The following LRP1B variants were observed in gnomAD, a reference collection of about 807,000 sequenced individuals.
LRP1B encodes low-density lipoprotein receptor-related protein 1B.
Under a neutral mutation model 556.6 loss-of-function variants are expected in LRP1B, and 217 were observed. The observed-to-expected ratio is 0.39, with a 90% confidence interval of 0.35 to 0.44. The LOEUF (loss-of-function observed/expected upper bound fraction) is 0.44, where lower values mean the gene tolerates loss of function less well. Ranked by LOEUF, LRP1B falls within the 20% of genes least tolerant of loss-of-function variation. The pLI is 1.00. For missense variants in LRP1B, 5,053 were observed against 5,620.8 expected (o/e 0.90, Z 3.23); for synonymous variants, 2,047 against 1,865.8 (o/e 1.10, Z -2.50).
chr2:140,739,362 C>CA (rs56217594), intron 35 of LRP1B, among the ~76,000 whole-genome samples: 1,789 of 146,912 alleles, frequency 0.012, 16 homozygotes, highest in Middle Eastern at 0.052. Context: ...TGCAAAGAGT[C>CA]AAAAAAAAAA....
rs114400796 is a variant in LRP1B at position 141,278,450 on chromosome 2, C to T, written c.344-23809G>A. ...CTATGCCACGTTAGAAACCTGTTCA[C>T]TTTGGCCTTTAATTTTAAAATTAAT... On this transcript the variant is annotated intron_variant, in intron 3 of 90. Coordinates refer to ENST00000389484, the MANE Select transcript of LRP1B (RefSeq NM_018557.3). Among the ~76,000 whole-genome samples the T allele has an allele frequency of 5.3e-3, 803 of 152,238 alleles. 9 individuals are homozygous for T. The highest frequency in any genetic ancestry group is 0.016 in the African/African-American group (680 of 41,530).
At chr2:141,746,388 G>C (rs113119387) in intron 2 of LRP1B, among the ~76,000 whole-genome samples, 3 of 152,134 alleles carry the variant, frequency 2.0e-5, no homozygotes, top group Non-Finnish European at 4.4e-5. Context: ...GATGGGTGCT[G>C]GCTGAGTTCA....
chr2:141,977,923 C>T (rs1194502994), intron 1 of LRP1B, among the ~76,000 whole-genome samples: 6 of 152,132 alleles, frequency 3.9e-5, no homozygotes, highest in African/African-American at 1.4e-4. Context: ...GCAACATCTA[C>T]AATAAACTAT....
chr2:140,702,388 GT>G, intron 38 of LRP1B, 38 bp downstream of exon 38: 1 of 1,611,062 alleles, frequency 6.2e-7, no homozygotes. Context: ...AAAGTTGTCA[GT>G]TAAGGCACTT....
intron 3 of LRP1B, among the ~76,000 whole-genome samples, chr2:141,467,063 C>G (rs1262342442): frequency 7.1e-6 from 1 of 140,066 alleles, no homozygotes; most frequent in East Asian, 2.1e-4. Flanking sequence ...CACTGGCTCC[C>G]CAGGATATAT....
At chr2:141,441,777 G>T (rs4309525) in intron 3 of LRP1B, among the ~76,000 whole-genome samples, 28,413 of 152,072 alleles carry the variant, frequency 0.19, 3,535 homozygotes, top group East Asian at 0.45. Flanking sequence ...CAGGAACATT[G>T]AACGCTACAG....
At chr2:140,496,892 AATTTATTTATTTATTTATTT>A (rs141106287) in intron 55 of LRP1B, among the ~76,000 whole-genome samples, 7 of 147,090 alleles carry the variant, frequency 4.8e-5, no homozygotes, top group South Asian at 2.1e-4. Flanking sequence ...ATTTGGATAA[AATTTATTTATTTATTTATTT>A]ATTTATTTAT....
chr2:140,421,950 G>T (rs926222277), intron 66 of LRP1B, among the ~76,000 whole-genome samples: 1 of 152,180 alleles, frequency 6.6e-6, no homozygotes, highest in Admixed American at 6.5e-5. Flanking sequence ...TCAGTGTGCA[G>T]GTTTGACAGA....
At chr2:140,466,083 G>T (rs1233851427) in intron 60 of LRP1B, among the ~76,000 whole-genome samples, 4 of 150,822 alleles carry the variant, frequency 2.7e-5, no homozygotes. Context: ...GTGCAGGTCG[G>T]GGGGTGGGAA....
intron 1 of LRP1B, among the ~76,000 whole-genome samples, chr2:141,885,432 C>G (rs1699081289): frequency 6.6e-6 from 1 of 152,112 alleles, no homozygotes; most frequent in Non-Finnish European, 1.5e-5. Context: ...GTGACATAAG[C>G]TCTTCGTTTT....
intron 1 of LRP1B, among the ~76,000 whole-genome samples, chr2:141,868,284 A>G (rs1698478851): frequency 6.6e-6 from 1 of 152,068 alleles, no homozygotes; most frequent in African/African-American, 2.4e-5. Flanking sequence ...GGTGAGAAGC[A>G]ACTGGATTGC....
intron 7 of LRP1B, among the ~76,000 whole-genome samples, chr2:141,067,696 C>G (rs6719409): frequency 2.0e-5 from 3 of 152,006 alleles, no homozygotes; most frequent in African/African-American, 7.2e-5. Context: ...TCTCTCTTCA[C>G]AGATAATTAG....
intron 17 of LRP1B, among the ~76,000 whole-genome samples, chr2:140,988,598 G>A (rs1467138388): frequency 6.6e-6 from 1 of 152,076 alleles, no homozygotes; most frequent in East Asian, 1.9e-4. Flanking sequence ...AGAGAGGTAT[G>A]TCTTTCCAAG....
chr2:140,233,307 G>A lies in LRP1B; in HGVS notation c.13679C>T (p.Pro4560Leu), dbSNP rs151022058. ...LTAGPTNYSN[P>L]VYAKLYMDGQ... is the part of the protein sequence containing the mutation. ...ATCCATATATAATTTTGCATATACCGGATTGGAGTAATTTGTTGGCTGAAG... is the reference window on the plus strand; with the variant it reads ...ATCCATATATAATTTTGCATATACCAGATTGGAGTAATTTGTTGGCTGAAG... The change falls in exon 91 of 91, where the codon CCG (proline) becomes CTG (leucine). Residue 4560 changes from proline to leucine, a missense_variant. Transcript: ENST00000389484. The A allele has an allele frequency of 2.4e-5, 38 of 1,590,600 alleles. No homozygotes were observed. Among genetic ancestry groups the A allele is most frequent in the Admixed American group, 1.9e-4 (11 of 57,856 alleles).
intron 32 of LRP1B, among the ~76,000 whole-genome samples, chr2:140,808,728 G>A (rs947457090): frequency 6.6e-6 from 1 of 152,144 alleles, no homozygotes; most frequent in Admixed American, 6.6e-5. Context: ...AGAATGAATG[G>A]CAATAGATAT....
chr2:141,209,637 C>T (rs1197260781), intron 6 of LRP1B, among the ~76,000 whole-genome samples: 3 of 152,106 alleles, frequency 2.0e-5, no homozygotes, highest in Non-Finnish European at 4.4e-5. Context: ...AACTCATTTG[C>T]CCATGAAATC....
At chr2:141,634,440 T>G (rs1395651192) in intron 2 of LRP1B, among the ~76,000 whole-genome samples, 1 of 151,990 alleles carries the variant, frequency 6.6e-6, no homozygotes, top group Admixed American at 6.6e-5. Flanking sequence ...CATTGTTTTG[T>G]AGATGAAAAA....
intron 77 of LRP1B, among the ~76,000 whole-genome samples, chr2:140,345,140 G>A (rs943746512): frequency 6.6e-6 from 1 of 151,544 alleles, no homozygotes; most frequent in African/African-American, 2.4e-5. Flanking sequence ...CAGCATTTCT[G>A]GCCCTACCCA....
chr2:142,049,797 T>C (rs933141713), intron 1 of LRP1B, among the ~76,000 whole-genome samples: 3 of 152,168 alleles, frequency 2.0e-5, no homozygotes, highest in Admixed American at 2.0e-4. Flanking sequence ...AAACCCATTC[T>C]ATCTTCCATC....
Sources: gnomAD v4.1 joint callset for allele counts (sites outside exome capture counted in the v4.1 genomes callset) on GRCh38, gnomAD v4.1.1 for gene constraint, MANE v1.5 for transcripts, NCBI Gene and HGNC (gene_info 2026-07-23, HGNC 2026-07-21) for gene names.